APBB2: variants seen among roughly 807,000 people sequenced by gnomAD.
APBB2 encodes amyloid beta precursor protein binding family B member 2, also known as Fe65-like 1.
APBB2 carries 38 observed loss-of-function variants against 82.5 expected under a neutral mutation model. The observed-to-expected ratio is 0.46, with a 90% CI of 0.36 to 0.60. The LOEUF is 0.60. APBB2 is among the 20% of genes least tolerant of loss of function. The probability of loss-of-function intolerance (pLI) is 0.00; values close to 1 mark genes in which losing one functional copy is unlikely to be tolerated. For synonymous variants in APBB2, 341 were observed against 368.2 expected (o/e 0.93, Z 0.85); for missense variants, 772 against 972.3 (o/e 0.79, Z 2.74).
intron 12 of APBB2, among the ~76,000 whole-genome samples, chr4:40,836,070 C>A (rs1221852170): frequency 2.0e-5 from 3 of 152,092 alleles, no homozygotes; most frequent in Non-Finnish European, 4.4e-5. Context: ...GGTGACGAGG[C>A]CCACCAAGCA....
At chr4:41,114,675 A>G (rs547707720) in intron 2 of APBB2, among the ~76,000 whole-genome samples, 2 of 152,326 alleles carry the variant, frequency 1.3e-5, no homozygotes, top group Admixed American at 1.3e-4. Flanking sequence ...CTATACACCA[A>G]TAATAGACGA....
rs1352447618 is a variant in APBB2, at chr4:40,935,150, A to G, written c.1045-11T>C. 6.6e-7 allele frequency: 1 copy of G among 1,506,272 alleles called. No homozygotes were observed. The highest frequency in any genetic ancestry group is 2.1e-5 in the Admixed American group (1 of 47,718). The allele number at this position is 1,506,272 out of a possible 1,614,324, so 93.3% of individuals were successfully genotyped here. A position where few individuals can be genotyped will look rare whatever the true frequency, so the allele number is the denominator to read the frequency against. On this transcript the variant is annotated splice_polypyrimidine_tract_variant and intron_variant, in intron 7 of 17. Coordinates refer to ENST00000508593, the MANE Select transcript of APBB2 (RefSeq NM_004307.2). ...ACTCCATGGCTGTTTCTAGACATAT[A>G]ATTATTCACATAGGAAAAAAGCACA...
At position 41,100,463 on chromosome 4, in the gene APBB2, G is replaced by GTT. The variant is rs34128168; in HGVS notation, c.-149+174_-149+175dup. 2.5e-3 allele frequency among the ~76,000 whole-genome samples: 363 copies of GTT among 147,890 alleles called. 1 individual carries two copies. Among genetic ancestry groups the GTT allele is most frequent in the Middle Eastern group, 0.01 (3 of 286 alleles). ...AGAACATCATCTTAATCTCTTGCAA[G>GTT]TTTTTTTTTTTTACACAAAGAGGTT... On this transcript the variant is annotated intron_variant, in intron 3 of 17. Coordinates refer to ENST00000508593, the MANE Select transcript of APBB2 (RefSeq NM_004307.2).
intron 3 of APBB2, among the ~76,000 whole-genome samples, chr4:41,095,981 G>C (rs982797101): frequency 2.0e-5 from 3 of 152,112 alleles, no homozygotes; most frequent in African/African-American, 4.8e-5. Flanking sequence ...CCATACCCCA[G>C]CCACGGTGGA....
chr4:40,910,412 C>CT (rs1560873428), intron 10 of APBB2, among the ~76,000 whole-genome samples: 1 of 151,774 alleles, frequency 6.6e-6, no homozygotes, highest in East Asian at 1.9e-4. Context: ...CTAATTTTTT[C>CT]TTTTTTTGTA....
intron 6 of APBB2, among the ~76,000 whole-genome samples, chr4:40,963,909 A>G (rs546996251): frequency 6.6e-6 from 1 of 152,348 alleles, no homozygotes; most frequent in East Asian, 1.9e-4. Flanking sequence ...AAAATATTAC[A>G]GTGGGAAGTA....
chr4:40,977,836 C>G (rs544733205), intron 6 of APBB2, among the ~76,000 whole-genome samples: 2 of 152,112 alleles, frequency 1.3e-5, no homozygotes, highest in Non-Finnish European at 2.9e-5. Context: ...CCTCAAAGAG[C>G]CTTAGTTCTA....
At chr4:41,089,838 T>C (rs1017916459) in intron 3 of APBB2, among the ~76,000 whole-genome samples, 2 of 152,172 alleles carry the variant, frequency 1.3e-5, no homozygotes, top group African/African-American at 4.8e-5. Flanking sequence ...TTTCATAAAA[T>C]ATTGATATGG....
At chr4:40,899,262 T>C (rs1774580920) in intron 10 of APBB2, among the ~76,000 whole-genome samples, 1 of 152,240 alleles carries the variant, frequency 6.6e-6, no homozygotes, top group Non-Finnish European at 1.5e-5. Flanking sequence ...TGTTAGTTAC[T>C]ATGGGCATTT....
chr4:41,065,978 C>G (rs117151033), intron 3 of APBB2, among the ~76,000 whole-genome samples: 2 of 152,078 alleles, frequency 1.3e-5, no homozygotes, highest in African/African-American at 4.8e-5. Context: ...ATCTCACCTG[C>G]GTTTCCCTGA....
chr4:41,196,253 T>C lies in APBB2; in HGVS notation c.-417+18152A>G. ...TCATCACAGCACTTACAGTTTGTAA[T>C]GTCAATTACGTACTATGGTTAGTTA... On this transcript the variant is annotated intron_variant, in intron 1 of 17. Coordinates refer to ENST00000508593, the MANE Select transcript of APBB2 (RefSeq NM_004307.2). Among the ~76,000 whole-genome samples, 3 of 152,204 alleles carry C rather than the reference T, an allele frequency of 2.0e-5. No individual in the cohort carries two copies. In the South Asian group the frequency reaches 6.2e-4, roughly 31 times the overall value.
chr4:40,975,399 C>T (rs1050141941), intron 6 of APBB2, among the ~76,000 whole-genome samples: 10 of 152,096 alleles, frequency 6.6e-5, no homozygotes, highest in African/African-American at 2.4e-4. Context: ...CCCCTCACTC[C>T]CCTGCACCAC....
chr4:40,974,489 A>G (rs1046547433), intron 6 of APBB2, among the ~76,000 whole-genome samples: 6 of 152,202 alleles, frequency 3.9e-5, no homozygotes, highest in Non-Finnish European at 7.3e-5. Flanking sequence ...AATGGCATAT[A>G]CAGCTACTTT....
intron 3 of APBB2, among the ~76,000 whole-genome samples, chr4:41,066,832 G>A (rs543830930): frequency 6.6e-6 from 1 of 152,170 alleles, no homozygotes; most frequent in African/African-American, 2.4e-5. Context: ...AACAGCCACT[G>A]ATGGGTCAGA....
At chr4:41,061,949 G>A (rs1390746321) in intron 4 of APBB2, among the ~76,000 whole-genome samples, 1 of 152,180 alleles carries the variant, frequency 6.6e-6, no homozygotes, top group Non-Finnish European at 1.5e-5. Context: ...TATTAACTAT[G>A]GCATGTTGCT....
chr4:40,883,912 G>A (rs1343637465), intron 12 of APBB2, among the ~76,000 whole-genome samples: 1 of 152,112 alleles, frequency 6.6e-6, no homozygotes, highest in African/African-American at 2.4e-5. Flanking sequence ...TCAGCTCATG[G>A]ACCCACAAAA....
At chr4:40,871,512 T>C (rs749898352) in intron 12 of APBB2, among the ~76,000 whole-genome samples, 4 of 152,218 alleles carry the variant, frequency 2.6e-5, no homozygotes, top group Non-Finnish European at 4.4e-5. Flanking sequence ...AATTGGAGTG[T>C]CCATATTAAC....
chr4:40,963,184 A>G (rs1042035834), intron 6 of APBB2, among the ~76,000 whole-genome samples: 1 of 152,042 alleles, frequency 6.6e-6, no homozygotes, highest in African/African-American at 2.4e-5. Context: ...CTGCTCTTGA[A>G]TTCTGGCATG....
rs1491569106 is a variant in APBB2 at position 41,159,963 on chromosome 4, GAA to G, written c.-416-16823_-416-16822del. On this transcript the variant is annotated intron_variant, in intron 1 of 17. Transcript: ENST00000508593. ...AGGAGGAGAAGGAGAAGGAGAAGGA[GAA>G]GAAGAAGAAGAAGAAGAAGAAGAAG... 1.7e-3 allele frequency among the ~76,000 whole-genome samples: 111 copies of G among 66,592 alleles called. 7 individuals carry two copies. Among genetic ancestry groups the G allele is most frequent in the African/African-American group, 2.6e-3 (40 of 15,288 alleles). The allele number at this position is 66,592 out of a possible 152,430, so 43.7% of individuals were successfully genotyped here.
Sources: allele counts gnomAD v4.1 joint callset (sites outside exome capture counted in the v4.1 genomes callset), GRCh38; gene constraint gnomAD v4.1.1; transcripts MANE v1.5; gene names NCBI Gene and HGNC (gene_info 2026-07-23, HGNC 2026-07-21).